The following HMCN1 variants were observed in gnomAD, a reference collection of about 807,000 sequenced individuals.
The protein encoded by HMCN1 is hemicentin-1.
In HMCN1, 321 loss-of-function variants were observed where a neutral mutation model predicts 625.9. The ratio of observed to expected loss-of-function variants is 0.51; its 90% confidence interval spans 0.47 to 0.56. The LOEUF (loss-of-function observed/expected upper bound fraction) is 0.56, where lower values mean the gene tolerates loss of function less well. Among genes scored for constraint, HMCN1 ranks in the 20% least tolerant of loss-of-function variants. The probability of loss-of-function intolerance (pLI) is 0.00; values close to 1 mark genes in which losing one functional copy is unlikely to be tolerated. For synonymous variants in HMCN1, 2,425 were observed against 2,417.6 expected (o/e 1.00, Z -0.09); for missense variants, 6,588 against 6,887.3 (o/e 0.96, Z 1.54).
At position 186,136,620 on chromosome 1, in the gene HMCN1, A is replaced by G. The variant is rs1450546216; in HGVS notation, c.13313-48A>G. 1.9e-6 allele frequency: 3 copies of G among 1,581,348 alleles called. No individual in the cohort carries two copies. The South Asian group carries it at 3.3e-5, about 18-fold the overall frequency. ...GCCATATAATACATGATAAAAAAAA[A>G]TGCTGTAACTCCACAAAAACTGAGA... On this transcript the variant is annotated intron_variant, in intron 86 of 106. Transcript: ENST00000271588.
Position 186,178,713 on chromosome 1 carries a change from C to G in HMCN1, c.16241C>G (p.Thr5414Ser). The G allele has an allele frequency of 1.2e-6, 2 of 1,614,098 alleles. No homozygotes were observed. Among genetic ancestry groups the G allele is most frequent in the African/African-American group, 2.7e-5 (2 of 75,050 alleles). ...ACATCTCTCTCCAGGACTAGAAGGACTATTAGGAAAACTTGCCCTGAAGGC... is the reference window on the plus strand; with the variant it reads ...ACATCTCTCTCCAGGACTAGAAGGAGTATTAGGAAAACTTGCCCTGAAGGC... Reference protein sequence around the residue: ...SRTSLSRTRRTIRKTCPEGSE... With the variant: ...SRTSLSRTRRSIRKTCPEGSE... Residue 5414 changes from threonine (T) to serine (S), a missense_variant, in exon 104 of 107, where the codon ACT becomes AGT. Transcript: ENST00000271588.
chr1:185,858,926 A>C (rs1455024470), intron 2 of HMCN1, among the ~76,000 whole-genome samples: 1 of 151,984 alleles, frequency 6.6e-6, no homozygotes, highest in Non-Finnish European at 1.5e-5. Flanking sequence ...ATGCTTCTGC[A>C]GCCTAGTCCT....
At chr1:185,765,090 C>T (rs1418281639) in intron 1 of HMCN1, among the ~76,000 whole-genome samples, 1 of 152,006 alleles carries the variant, frequency 6.6e-6, no homozygotes, top group Non-Finnish European at 1.5e-5. Context: ...TGGTGTGGTA[C>T]CAAATGACAA....
intron 10 of HMCN1, among the ~76,000 whole-genome samples, chr1:185,933,135 A>G (rs1667638261): frequency 6.6e-6 from 1 of 152,032 alleles, no homozygotes; most frequent in African/African-American, 2.4e-5. Context: ...TGATACTGTC[A>G]TTTTCATGTC....
intron 1 of HMCN1, among the ~76,000 whole-genome samples, chr1:185,824,303 C>A (rs1248755061): frequency 6.6e-6 from 1 of 152,140 alleles, no homozygotes; most frequent in Non-Finnish European, 1.5e-5. Flanking sequence ...AACTTATTAA[C>A]CCAGACAAAA....
At chr1:186,165,243 A>T in intron 98 of HMCN1, 70 bp downstream of exon 98, 1 of 1,279,178 alleles carries the variant, frequency 7.8e-7, no homozygotes, top group South Asian at 1.2e-5. Context: ...TTTAATGGGT[A>T]TCTATTGCCC....
chr1:186,093,799 T>G lies in HMCN1; in HGVS notation c.10196+130T>G, dbSNP rs1659975454. On this transcript the variant is annotated intron_variant, in intron 66 of 106. Transcript: ENST00000271588. Reference sequence around the variant, plus strand: ...TACAGTTTTTTTCCCTTTAAGTATATTTTTAGTAGAGGAAGGACAACAAAT... The same window carrying G: ...TACAGTTTTTTTCCCTTTAAGTATAGTTTTAGTAGAGGAAGGACAACAAAT... 5 of 1,220,252 alleles carry G rather than the reference T, an allele frequency of 4.1e-6. No individual in the cohort carries two copies. In the Admixed American group the frequency reaches 1.1e-4, roughly 26 times the overall value. 75.6% of individuals were successfully genotyped at this position (1,220,252 alleles called of 1,614,324 possible). A position where few individuals can be genotyped will look rare whatever the true frequency, so the allele number is the denominator to read the frequency against.
At chr1:185,814,455 T>C (rs1356734147) in intron 1 of HMCN1, among the ~76,000 whole-genome samples, 1 of 152,146 alleles carries the variant, frequency 6.6e-6, no homozygotes, top group East Asian at 1.9e-4. Context: ...CTCATACTTC[T>C]ACTTAGGTAT....
chr1:185,849,377 G>A (rs1192154589), intron 2 of HMCN1, among the ~76,000 whole-genome samples: 1 of 152,042 alleles, frequency 6.6e-6, no homozygotes, highest in Non-Finnish European at 1.5e-5. Flanking sequence ...TTTCTTGGCT[G>A]GGTCATTTCT....
chr1:185,962,218 G>C (rs917554286), intron 11 of HMCN1, among the ~76,000 whole-genome samples: 1 of 152,180 alleles, frequency 6.6e-6, no homozygotes, highest in Non-Finnish European at 1.5e-5. Flanking sequence ...GGAAGTGTCA[G>C]ATTAGTGGCA....
intron 89 of HMCN1, among the ~76,000 whole-genome samples, chr1:186,139,987 A>G (rs1649849295): frequency 6.6e-6 from 1 of 152,180 alleles, no homozygotes; most frequent in Admixed American, 6.5e-5. Flanking sequence ...AACAATGTTG[A>G]ACTTAAAAAA....
intron 71 of HMCN1, 26 bp from the exon 72 acceptor site, chr1:186,112,786 C>T (rs7555520): frequency 0.54 from 872,962 of 1,609,490 alleles, 244,864 homozygotes; most frequent in African/African-American, 0.91. Context: ...ATTTTAACGG[C>T]AAATTTCTTT....
intron 1 of HMCN1, among the ~76,000 whole-genome samples, chr1:185,801,537 G>T (rs1241267431): frequency 6.6e-6 from 1 of 152,210 alleles, no homozygotes; most frequent in African/African-American, 2.4e-5. Context: ...TAACAGTCTT[G>T]TGGAGAGACA....
intron 30 of HMCN1, 98 bp from the exon 31 acceptor site, chr1:186,015,061 T>G (rs1184925242): frequency 9.2e-7 from 1 of 1,083,520 alleles, no homozygotes; most frequent in African/African-American, 1.6e-5. Flanking sequence ...TGTCTTTAAT[T>G]TACTTTAAAT....
chr1:185,804,458 A>G (rs143189572), intron 1 of HMCN1, among the ~76,000 whole-genome samples: 204 of 152,196 alleles, frequency 1.3e-3, no homozygotes, highest in African/African-American at 4.7e-3. Flanking sequence ...TGACTAAAGG[A>G]AAAGGAAGCC....
At chr1:186,134,006 G>C (rs577654920) in intron 86 of HMCN1, among the ~76,000 whole-genome samples, 2 of 152,056 alleles carry the variant, frequency 1.3e-5, no homozygotes, top group African/African-American at 2.4e-5. Context: ...TTGAGTGAAC[G>C]TAGGTAGAAC....
chr1:185,991,693 G>T (rs1652435195), intron 22 of HMCN1, among the ~76,000 whole-genome samples: 2 of 149,144 alleles, frequency 1.3e-5, no homozygotes. Context: ...GGACATTCTG[G>T]TTTGTTTATT....
chr1:186,162,656 G>A (rs1364461309), intron 97 of HMCN1, among the ~76,000 whole-genome samples: 2 of 152,210 alleles, frequency 1.3e-5, no homozygotes, highest in Non-Finnish European at 2.9e-5. Flanking sequence ...CTGCAAGTCT[G>A]TTGGAGTTTG....
intron 35 of HMCN1, among the ~76,000 whole-genome samples, chr1:186,022,813 T>C (rs1654806196): frequency 1.3e-5 from 2 of 152,154 alleles, no homozygotes; most frequent in Non-Finnish European, 2.9e-5. Context: ...TTATTTTGTG[T>C]TTTCCAATGA....
Sources: allele counts gnomAD v4.1 joint callset (sites outside exome capture counted in the v4.1 genomes callset), GRCh38; gene constraint gnomAD v4.1.1; transcripts MANE v1.5; gene names NCBI Gene and HGNC (gene_info 2026-07-23, HGNC 2026-07-21).